SPECC1: variants seen among roughly 807,000 people sequenced by gnomAD.
SPECC1 encodes cytospin-B.
A neutral mutation model predicts 104.1 loss-of-function variants in SPECC1; 62 were observed. That is an observed-to-expected ratio of 0.60 (90% CI 0.49 to 0.74). SPECC1 has a LOEUF of 0.74. Ranked by LOEUF, SPECC1 falls within the 30% of genes least tolerant of loss-of-function variation. SPECC1 has a pLI of 0.00. For synonymous variants in SPECC1, 513 were observed against 501.6 expected, an observed-to-expected ratio of 1.02 and a Z score of -0.30; for missense variants, 1,306 against 1,310.5, an observed-to-expected ratio of 1.00 and a Z score of 0.05.
Position 20,061,951 on chromosome 17 carries a change from C to T in SPECC1, c.-21-34680C>T, listed in dbSNP as rs548364080. Among the ~76,000 whole-genome samples the T allele has an allele frequency of 3.9e-5, 6 of 152,096 alleles. No individual in the cohort carries two copies. In the East Asian group the frequency reaches 9.7e-4, roughly 25 times the overall value. On this transcript the variant is annotated intron_variant, in intron 1 of 14. Transcript: ENST00000395527. ...GTTTCAGATCCATAAACTATTTTGTCTATGTCTTTATTTCAAATTATTTTG... is the reference window on the plus strand; with the variant it reads ...GTTTCAGATCCATAAACTATTTTGTTTATGTCTTTATTTCAAATTATTTTG...
intron 1 of SPECC1, among the ~76,000 whole-genome samples, chr17:20,046,226 T>A (rs967288832): frequency 2.0e-5 from 3 of 152,124 alleles, no homozygotes. Flanking sequence ...GATTGCAGAT[T>A]TGAGCCACAG....
At chr17:20,290,242 AC>A (rs2041117879) in intron 12 of SPECC1, 1 of 152,110 alleles carries the variant, frequency 6.6e-6, no homozygotes, top group African/African-American at 2.4e-5. Flanking sequence ...ATTTATAGTT[AC>A]AGATCAAGAA....
At chr17:20,242,811 T>C (rs1412833839) in intron 7 of SPECC1, among the ~76,000 whole-genome samples, 6 of 152,218 alleles carry the variant, frequency 3.9e-5, no homozygotes, top group African/African-American at 1.4e-4. Context: ...CTAGTTTTGT[T>C]GAAAATTAAA....
At chr17:20,151,470 G>A (rs190463676) in intron 3 of SPECC1, among the ~76,000 whole-genome samples, 66 of 152,298 alleles carry the variant, frequency 4.3e-4, no homozygotes, top group African/African-American at 1.4e-3. Flanking sequence ...TTATTGGGAC[G>A]TAACCCATCA....
At chr17:20,157,253 G>C (rs944206088) in intron 3 of SPECC1, among the ~76,000 whole-genome samples, 4 of 152,030 alleles carry the variant, frequency 2.6e-5, no homozygotes, top group African/African-American at 9.7e-5. Context: ...GGTGGAGGCG[G>C]GTGCCTCCCT....
chr17:20,019,207 CATTCATTT>C (rs201491029), intron 1 of SPECC1, among the ~76,000 whole-genome samples: 48,347 of 126,826 alleles, frequency 0.38, 8,964 homozygotes, highest in South Asian at 0.4. Context: ...AAGACCCTAT[CATTCATTT>C]ATTTATTTAT....
At chr17:20,223,889 T>A (rs1598022434) in intron 4 of SPECC1, among the ~76,000 whole-genome samples, 1 of 152,212 alleles carries the variant, frequency 6.6e-6, no homozygotes, top group Admixed American at 6.5e-5. Context: ...GTCTTGATGC[T>A]TGTGGATGTT....
rs1224416921 is a variant in SPECC1, at chr17:20,257,494, C to T, written c.2724C>T (p.His908=). 2 of 1,607,926 alleles carry T rather than the reference C, an allele frequency of 1.2e-6. No homozygotes were observed. Among genetic ancestry groups the T allele is most frequent in the East Asian group, 2.2e-5 (1 of 44,704 alleles). ...GRTETLKPDP[H]LRKSPSLESL... is the part of the protein sequence containing the mutation. ...CTGAGACCCTGAAGCCAGACCCCCA[C>T]CTCCGCAAGAGTCCCTCACTAGAGT... The change falls in exon 11 of 15, where the codon CAC becomes CAT. Residue 908 remains histidine, a synonymous_variant. Coordinates refer to ENST00000395527, the MANE Select transcript of SPECC1 (RefSeq NM_001243439.2).
At chr17:20,288,875 C>G (rs544297530) in intron 12 of SPECC1, among the ~76,000 whole-genome samples, 2 of 151,582 alleles carry the variant, frequency 1.3e-5, no homozygotes, top group Admixed American at 6.6e-5. Context: ...CCTCCGCCCC[C>G]CCGGGTTCAA....
intron 12 of SPECC1, chr17:20,290,158 G>A (rs766923011): frequency 1.3e-5 from 2 of 151,754 alleles, no homozygotes; most frequent in Admixed American, 6.6e-5. Context: ...GCTCTCCTGC[G>A]GGTTTCAGTC....
chr17:20,038,318 T>C (rs1291246158), intron 1 of SPECC1, among the ~76,000 whole-genome samples: 2 of 150,840 alleles, frequency 1.3e-5, no homozygotes, highest in East Asian at 3.9e-4. Context: ...GATTTGAAAC[T>C]TTTTCTCTTT....
intron 13 of SPECC1, among the ~76,000 whole-genome samples, chr17:20,303,133 A>G (rs905959401): frequency 6.6e-6 from 1 of 152,174 alleles, no homozygotes; most frequent in South Asian, 2.1e-4. Flanking sequence ...AATGTTTGGC[A>G]TTACATATTA....
rs2039443768 is a variant in SPECC1 at position 20,246,837 on chromosome 17, T to C, written c.2498-382T>C. ...TGTACCTGGTTGTCTCTGCTAAAAT[T>C]GTTTGCACCTAAATTAGATTAAGAC... On this transcript the variant is annotated intron_variant, in intron 8 of 14. Transcript: ENST00000395527. 2.0e-5 allele frequency among the ~76,000 whole-genome samples: 3 copies of C among 152,220 alleles called. No homozygotes were observed. The South Asian group carries it at 6.2e-4, about 32-fold the overall frequency.
chr17:20,154,579 G>T (rs965102982), intron 3 of SPECC1, among the ~76,000 whole-genome samples: 1 of 152,174 alleles, frequency 6.6e-6, no homozygotes, highest in Non-Finnish European at 1.5e-5. Context: ...TCAGGGCCTT[G>T]GAGGCCATTG....
At chr17:20,236,346 A>AAG (rs1171303106) in intron 7 of SPECC1, among the ~76,000 whole-genome samples, 2 of 152,202 alleles carry the variant, frequency 1.3e-5, no homozygotes, top group South Asian at 2.1e-4. Flanking sequence ...TTCATAGTTT[A>AAG]AATGTACATT....
In SPECC1 at chr17:20,151,655, A is replaced by G. The variant is rs752194722; in HGVS notation, c.283+41093A>G. ...ATTCCACTGGACTCTTTGATTCCAC[A>G]GGAAATTTTATCCTGTTCATATAAC... On this transcript the variant is annotated intron_variant, in intron 3 of 14. Coordinates refer to ENST00000395527, the MANE Select transcript of SPECC1 (RefSeq NM_001243439.2). Among the ~76,000 whole-genome samples, 97 of 152,300 alleles carry G rather than the reference A, an allele frequency of 6.4e-4. 1 individual carries two copies. The highest frequency in any genetic ancestry group is 7.4e-5 in the Non-Finnish European group (5 of 68,022).
At chr17:20,211,368 C>T (rs1182600441) in intron 4 of SPECC1, among the ~76,000 whole-genome samples, 1 of 152,214 alleles carries the variant, frequency 6.6e-6, no homozygotes, top group East Asian at 1.9e-4. Flanking sequence ...TTTTCCAGCT[C>T]CCCTGGGCAA....
chr17:20,072,546 G>A (rs993582058), intron 1 of SPECC1, among the ~76,000 whole-genome samples: 17 of 152,250 alleles, frequency 1.1e-4, no homozygotes, highest in African/African-American at 4.1e-4. Flanking sequence ...GGATGGCCAT[G>A]AGAGGCAGCA....
intron 1 of SPECC1, among the ~76,000 whole-genome samples, chr17:20,088,592 A>G (rs937905910): frequency 6.6e-6 from 1 of 152,220 alleles, no homozygotes; most frequent in Non-Finnish European, 1.5e-5. Flanking sequence ...TAAAACATTC[A>G]TACAGGGAGG....
Sources: allele counts gnomAD v4.1 joint callset (sites outside exome capture counted in the v4.1 genomes callset), GRCh38; gene constraint gnomAD v4.1.1; transcripts MANE v1.5; gene names NCBI Gene and HGNC (gene_info 2026-07-23, HGNC 2026-07-21).